TMTC1: variants seen among roughly 807,000 people sequenced by gnomAD.
TMTC1 encodes the protein protein O-mannosyl-transferase TMTC1.
In TMTC1, 73 loss-of-function variants were observed where a neutral mutation model predicts 104.8. The ratio of observed to expected loss-of-function variants is 0.70; its 90% CI spans 0.58 to 0.85. TMTC1 has a LOEUF of 0.85. Among genes scored for constraint, TMTC1 ranks in the 40% least tolerant of loss-of-function variants. The pLI, the probability that TMTC1 is intolerant of heterozygous loss-of-function variation, is 0.00. For missense variants in TMTC1, 1,035 were observed against 1,096.1 expected, an observed-to-expected ratio of 0.94 and a Z score of 0.79; for synonymous variants, 434 against 428.7, an observed-to-expected ratio of 1.01 and a Z score of -0.15.
At chr12:29,627,412 C>T (rs1043966409) in intron 6 of TMTC1, among the ~76,000 whole-genome samples, 9 of 152,122 alleles carry the variant, frequency 5.9e-5, no homozygotes, top group African/African-American at 2.2e-4. Context: ...TAAGTCACCT[C>T]TTCAGACTCA....
chr12:29,530,155 C>G (rs1358634802), intron 11 of TMTC1, among the ~76,000 whole-genome samples: 2 of 152,092 alleles, frequency 1.3e-5, no homozygotes, highest in African/African-American at 4.8e-5. Flanking sequence ...TCCTAAGTCC[C>G]CAATCTGACT....
At chr12:29,597,080 C>G (rs1424954554) in intron 7 of TMTC1, among the ~76,000 whole-genome samples, 3 of 152,146 alleles carry the variant, frequency 2.0e-5, no homozygotes, top group Non-Finnish European at 4.4e-5. Context: ...CTTGGCAAGC[C>G]ATCCGCAGTA....
intron 5 of TMTC1, among the ~76,000 whole-genome samples, chr12:29,662,327 T>G (rs1345047447): frequency 6.6e-6 from 1 of 152,142 alleles, no homozygotes; most frequent in East Asian, 1.9e-4. Context: ...TGGGTTAATA[T>G]CTCACAAAGA....
rs1943205759 is a variant in TMTC1, at chr12:29,755,905, TTC to T, written c.555-22_555-21del. On this transcript the variant is annotated intron_variant, in intron 3 of 17. Coordinates refer to ENST00000539277, the MANE Select transcript of TMTC1 (RefSeq NM_001193451.2). ...AGACTCCTGAAAAACAAGTTGGAGATTCTTTTAATCTAAGAAAGAATATGGTC... is the reference window on the plus strand; with the variant it reads ...AGACTCCTGAAAAACAAGTTGGAGATTTTTAATCTAAGAAAGAATATGGTC... The T allele has an allele frequency of 6.2e-7, 1 of 1,611,148 alleles. No individual in the cohort carries two copies. Among genetic ancestry groups the T allele is most frequent in the African/African-American group, 1.3e-5 (1 of 74,744 alleles).
chr12:29,552,064 C>T (rs932685664), intron 10 of TMTC1, among the ~76,000 whole-genome samples: 5 of 152,106 alleles, frequency 3.3e-5, no homozygotes, highest in Non-Finnish European at 7.4e-5. Flanking sequence ...ATAAGATTGC[C>T]TTGGATGCTC....
intron 6 of TMTC1, among the ~76,000 whole-genome samples, chr12:29,613,082 G>A (rs1318577162): frequency 1.3e-5 from 2 of 152,160 alleles, no homozygotes; most frequent in African/African-American, 2.4e-5. Context: ...TGTTTATGAT[G>A]AATTTTTCAG....
At chr12:29,724,649 A>C (rs748444866) in intron 5 of TMTC1, among the ~76,000 whole-genome samples, 1 of 152,232 alleles carries the variant, frequency 6.6e-6, no homozygotes, top group African/African-American at 2.4e-5. Context: ...GCATGAAAAT[A>C]GCAAGTCACC....
intron 5 of TMTC1, among the ~76,000 whole-genome samples, chr12:29,652,236 C>T (rs961078900): frequency 5.9e-5 from 9 of 152,090 alleles, no homozygotes; most frequent in Non-Finnish European, 1.5e-5. Flanking sequence ...ATGTAAGGTT[C>T]TAGGGAAGCA....
chr12:29,666,198 C>A lies in TMTC1; in HGVS notation c.939-32862G>T, dbSNP rs1284415781. On this transcript the variant is annotated intron_variant, in intron 5 of 17. Coordinates refer to ENST00000539277, the MANE Select transcript of TMTC1 (RefSeq NM_001193451.2). ...CCAAATCAAATTGTAAACATCTACC[C>A]CTTTTCTTTTCTTTCTTTTTTTCTT... 7.4e-5 allele frequency: 32 copies of A among 431,004 alleles called. No individual in the cohort carries two copies. The East Asian group carries it at 2.1e-3, about 28-fold the overall frequency. The allele number at this position is 431,004 out of a possible 1,614,324, so 26.7% of individuals were successfully genotyped here.
At chr12:29,658,822 T>C (rs181837510) in intron 5 of TMTC1, 2 of 155,414 alleles carry the variant, frequency 1.3e-5, no homozygotes, top group African/African-American at 2.4e-5. Flanking sequence ...TAGAAGATGG[T>C]GGTTCCAGCC....
At chr12:29,523,755 A>T (rs1944253468) in intron 11 of TMTC1, among the ~76,000 whole-genome samples, 1 of 151,970 alleles carries the variant, frequency 6.6e-6, no homozygotes. Context: ...CTGTGTTGGA[A>T]TCTCTTGTTT....
intron 5 of TMTC1, among the ~76,000 whole-genome samples, chr12:29,719,885 C>A (rs1011744998): frequency 6.6e-6 from 1 of 152,148 alleles, no homozygotes; most frequent in African/African-American, 2.4e-5. Context: ...GATCTAGCTG[C>A]AGTATTGCCA....
chr12:29,734,257 A>G (rs1942615849), intron 5 of TMTC1, among the ~76,000 whole-genome samples: 1 of 152,162 alleles, frequency 6.6e-6, no homozygotes, highest in Admixed American at 6.5e-5. Flanking sequence ...ATTCACAGGG[A>G]TAATTTATTT....
At chr12:29,662,142 T>C (rs1940058996) in intron 5 of TMTC1, among the ~76,000 whole-genome samples, 1 of 152,180 alleles carries the variant, frequency 6.6e-6, no homozygotes, top group Non-Finnish European at 1.5e-5. Flanking sequence ...CCGCAAGCAC[T>C]TCCCACCTCA....
chr12:29,782,175 T>G (rs1176823537), intron 1 of TMTC1, among the ~76,000 whole-genome samples: 1 of 152,288 alleles, frequency 6.6e-6, no homozygotes, highest in Non-Finnish European at 1.5e-5. Context: ...CAAGGTTATC[T>G]TTCAGTAGAA....
chr12:29,561,462 T>C (rs887415755), intron 9 of TMTC1, among the ~76,000 whole-genome samples: 3 of 152,214 alleles, frequency 2.0e-5, no homozygotes, highest in Admixed American at 2.0e-4. Flanking sequence ...AAAATTTGTC[T>C]TCTGTCATAC....
chr12:29,706,682 A>AT (rs1351570403), intron 5 of TMTC1, among the ~76,000 whole-genome samples: 1 of 152,242 alleles, frequency 6.6e-6, no homozygotes, highest in African/African-American at 2.4e-5. Context: ...ACAGACATCC[A>AT]TAAAAACAAT....
Position 29,586,752 on chromosome 12 carries a change from T to G in TMTC1, c.1251-3178A>C, listed in dbSNP as rs1399537538. On this transcript the variant is annotated intron_variant, in intron 7 of 17. Coordinates refer to ENST00000539277, the MANE Select transcript of TMTC1 (RefSeq NM_001193451.2). ...TGGATTACGTTTATTGATTTTCGAA[T>G]GTTAAACCAGCCTTGCATCCCAGGA... Among the ~76,000 whole-genome samples the G allele has an allele frequency of 1.4e-5, 2 of 147,012 alleles. 1 individual carries two copies. Among genetic ancestry groups the G allele is most frequent in the Non-Finnish European group, 3.0e-5 (2 of 67,212 alleles).
intron 5 of TMTC1, among the ~76,000 whole-genome samples, chr12:29,661,098 C>A (rs1423821587): frequency 1.3e-5 from 2 of 152,100 alleles, no homozygotes; most frequent in Non-Finnish European, 2.9e-5. Context: ...CCTCTTTGCA[C>A]ATCTATTTTA....
Sources: allele counts gnomAD v4.1 joint callset (sites outside exome capture counted in the v4.1 genomes callset), GRCh38; gene constraint gnomAD v4.1.1; transcripts MANE v1.5; gene names NCBI Gene and HGNC (gene_info 2026-07-23, HGNC 2026-07-21).